The following USP34 variants were observed in gnomAD, a reference collection of about 807,000 sequenced individuals.
The protein encoded by USP34 is ubiquitin specific peptidase 34, also known as ubiquitin carboxyl-terminal hydrolase 34.
A neutral mutation model predicts 460.3 loss-of-function variants in USP34; 70 were observed. The ratio of observed to expected loss-of-function variants is 0.15; its 90% confidence interval spans 0.13 to 0.19. USP34 has a LOEUF of 0.19. USP34 is among the 10% of genes least tolerant of loss of function. The pLI is 1.00. For missense variants in USP34, 3,985 were observed against 4,236.2 expected, an observed-to-expected ratio of 0.94 and a Z score of 1.65; for synonymous variants, 1,647 against 1,405.3, an observed-to-expected ratio of 1.17 and a Z score of -3.85.
chr2:61,189,231 G>C (rs113183256), intron 78 of USP34, 162 bp from the exon 79 acceptor site: 1 of 688,366 alleles, frequency 1.5e-6, no homozygotes, highest in African/African-American at 1.9e-5. Flanking sequence ...GAAAGCCAGT[G>C]TTAAGATACT....
At chr2:61,390,113 AC>A (rs1290073250) in intron 5 of USP34, among the ~76,000 whole-genome samples, 1 of 152,218 alleles carries the variant, frequency 6.6e-6, no homozygotes, top group African/African-American at 2.4e-5. Flanking sequence ...CCTATACGTT[AC>A]TTAAGCCCTA....
intron 1 of USP34, among the ~76,000 whole-genome samples, chr2:61,435,945 T>C (rs1294111251): frequency 1.3e-5 from 2 of 152,032 alleles, no homozygotes; most frequent in Non-Finnish European, 2.9e-5. Flanking sequence ...GGAGAATCGC[T>C]TGAACCTGGG....
intron 21 of USP34, among the ~76,000 whole-genome samples, chr2:61,321,277 C>A (rs963286226): frequency 3.3e-5 from 5 of 152,034 alleles, no homozygotes; most frequent in African/African-American, 1.2e-4. Flanking sequence ...TCAAGACCAT[C>A]CTGGCCAACA....
At chr2:61,252,546 G>A (rs909730624) in intron 48 of USP34, among the ~76,000 whole-genome samples, 6 of 152,154 alleles carry the variant, frequency 3.9e-5, no homozygotes, top group African/African-American at 1.4e-4. Context: ...ATTTTCCACT[G>A]CACATAAATA....
intron 3 of USP34, among the ~76,000 whole-genome samples, chr2:61,397,994 T>G (rs2922089): frequency 0.52 from 78,339 of 151,734 alleles, 20,515 homozygotes; most frequent in South Asian, 0.73. Flanking sequence ...TTGAACCCGC[T>G]TGGGGGAGGG....
chr2:61,426,519 G>A (rs1694515806), intron 1 of USP34, among the ~76,000 whole-genome samples: 1 of 152,086 alleles, frequency 6.6e-6, no homozygotes. Context: ...GGGAAAAAGA[G>A]TGAGAAGTAC....
intron 8 of USP34, 148 bp from the exon 9 acceptor site, chr2:61,370,727 A>G (rs1227655723): frequency 1.5e-6 from 1 of 657,072 alleles, no homozygotes; most frequent in Non-Finnish European, 2.6e-6. Context: ...ACTACAAAGC[A>G]TAACTAGAAT....
chr2:61,226,981 G>C (rs1183835429), intron 62 of USP34, 86 bp downstream of exon 62: 2 of 1,414,118 alleles, frequency 1.4e-6, no homozygotes, highest in East Asian at 2.5e-5. Context: ...ATAATAAAAA[G>C]CTAGTGGAAA....
At chr2:61,435,327 A>G (rs1427552622) in intron 1 of USP34, among the ~76,000 whole-genome samples, 5 of 150,214 alleles carry the variant, frequency 3.3e-5, no homozygotes, top group Admixed American at 6.6e-5. Flanking sequence ...AAAAAAAAAA[A>G]AAGAACTCTA....
chr2:61,393,362 C>T (rs986353582), intron 5 of USP34, among the ~76,000 whole-genome samples: 4 of 148,874 alleles, frequency 2.7e-5, no homozygotes, highest in African/African-American at 9.9e-5. Flanking sequence ...ATCTGGGAGA[C>T]GGAGGTTGCA....
At chr2:61,378,750 T>C (rs1219846816) in intron 7 of USP34, among the ~76,000 whole-genome samples, 1 of 151,154 alleles carries the variant, frequency 6.6e-6, no homozygotes, top group Admixed American at 6.6e-5. Flanking sequence ...CTATTAAAAA[T>C]ACAAAATTAG....
chr2:61,237,304 G>A (rs1020185806), intron 53 of USP34, among the ~76,000 whole-genome samples: 1 of 152,020 alleles, frequency 6.6e-6, no homozygotes, highest in African/African-American at 2.4e-5. Context: ...TAATAAGGGA[G>A]CCCCATTCTA....
At chr2:61,369,642 C>CAAAAA (rs57947331) in intron 10 of USP34, among the ~76,000 whole-genome samples, 80 of 43,386 alleles carry the variant, frequency 1.8e-3, no homozygotes, top group African/African-American at 2.5e-3. Context: ...GATTCCGTCT[C>CAAAAA]AAAAAAAAAA....
intron 34 of USP34, among the ~76,000 whole-genome samples, chr2:61,285,773 G>A (rs929880997): frequency 1.3e-5 from 2 of 152,068 alleles, no homozygotes; most frequent in Non-Finnish European, 2.9e-5. Context: ...ATATACCACG[G>A]GTAGAGAGCA....
intron 51 of USP34, among the ~76,000 whole-genome samples, chr2:61,242,434 TA>T (rs1688290343): frequency 1.5e-5 from 2 of 137,756 alleles, no homozygotes; most frequent in South Asian, 2.4e-4. Context: ...CAGAAAAAGG[TA>T]AGAGTCAACC....
In USP34 at chr2:61,265,566, G is replaced by T; in HGVS notation, c.5618-9C>A. 2 of 1,578,464 alleles carry T rather than the reference G, an allele frequency of 1.3e-6. No individual in the cohort carries two copies. The highest frequency in any genetic ancestry group is 1.7e-6 in the Non-Finnish European group (2 of 1,159,108). ...TTTATAAGGTGCATGGGCTGCTGAA[G>T]AAAGAGGGAGGAAAAGATCCCCCCC... On this transcript the variant is annotated splice_polypyrimidine_tract_variant and intron_variant, in intron 42 of 79. Transcript: ENST00000398571.
chr2:61,312,143 GA>G (rs915675881), intron 25 of USP34, among the ~76,000 whole-genome samples: 4 of 139,722 alleles, frequency 2.9e-5, no homozygotes, highest in Non-Finnish European at 3.1e-5. Context: ...AATTACTGAG[GA>G]AAAAAAAAAT....
rs138779553 is a variant in USP34 at position 61,374,128 on chromosome 2, C to A, written c.1077-3549G>T. 2.0e-3 allele frequency among the ~76,000 whole-genome samples: 296 copies of A among 149,442 alleles called. 5 individuals carry two copies. The highest frequency in any genetic ancestry group is 7.3e-3 in the East Asian group (37 of 5,096). On this transcript the variant is annotated intron_variant, in intron 8 of 79. Transcript: ENST00000398571. Reference sequence around the variant, plus strand: ...CCGAGATCGTGCCATTGCACTTCAGCCTGGGCAATAGAGCGAGACTCCATC... The same window carrying A: ...CCGAGATCGTGCCATTGCACTTCAGACTGGGCAATAGAGCGAGACTCCATC...
chr2:61,263,156 G>A (rs1458596360), intron 43 of USP34, among the ~76,000 whole-genome samples: 1 of 142,088 alleles, frequency 7.0e-6, no homozygotes, highest in Non-Finnish European at 1.5e-5. Context: ...CTACAGGCAC[G>A]CACCACCACA....
Sources: gnomAD v4.1 joint callset for allele counts (sites outside exome capture counted in the v4.1 genomes callset) on GRCh38, gnomAD v4.1.1 for gene constraint, MANE v1.5 for transcripts, NCBI Gene and HGNC (gene_info 2026-07-23, HGNC 2026-07-21) for gene names.